The following DOCK1 variants were observed in gnomAD, a reference collection of about 807,000 sequenced individuals.
DOCK1 encodes dedicator of cytokinesis protein 1.
A neutral mutation model predicts 262.7 loss-of-function variants in DOCK1; 138 were observed. The ratio of observed to expected loss-of-function variants is 0.53; its 90% CI spans 0.46 to 0.61. The LOEUF is 0.61. DOCK1 is among the 20% of genes least tolerant of loss of function. The pLI is 0.00. For synonymous variants in DOCK1, 866 were observed against 867.4 expected (o/e 1.00, Z 0.03); for missense variants, 1,908 against 2,370.7 (o/e 0.80, Z 4.05).
At chr10:127,271,337 C>T (rs2135182045) in intron 29 of DOCK1, among the ~76,000 whole-genome samples, 1 of 152,266 alleles carries the variant, frequency 6.6e-6, no homozygotes, top group South Asian at 2.1e-4. Flanking sequence ...CATTCTTTGT[C>T]AAGCTCCTGC....
intron 23 of DOCK1, among the ~76,000 whole-genome samples, chr10:127,094,420 C>T (rs2136127798): frequency 6.6e-6 from 1 of 152,222 alleles, no homozygotes; most frequent in Admixed American, 6.5e-5. Flanking sequence ...ACTCTGCATT[C>T]ACTTTTTGCT....
Position 126,986,660 on chromosome 10 carries a change from A to G in DOCK1, c.228-861A>G, listed in dbSNP as rs542793195. Among the ~76,000 whole-genome samples, 224 of 152,360 alleles carry G rather than the reference A, an allele frequency of 1.5e-3. 1 individual carries two copies. The highest frequency in any genetic ancestry group is 3.0e-3 in the Admixed American group (46 of 15,306). On this transcript the variant is annotated intron_variant, in intron 4 of 51. Transcript: ENST00000623213. Reference sequence around the variant, plus strand: ...CGCGGTGGCTCATGCCTGTAATCCCAGCACTTTGGGAGGCTGAGGTGGGAG... The same window carrying G: ...CGCGGTGGCTCATGCCTGTAATCCCGGCACTTTGGGAGGCTGAGGTGGGAG...
chr10:127,066,084 A>G (rs1170877600), intron 23 of DOCK1, among the ~76,000 whole-genome samples: 1 of 151,848 alleles, frequency 6.6e-6, no homozygotes, highest in Non-Finnish European at 1.5e-5. Context: ...TGCCTTCTGG[A>G]TTCTTCTTTG....
At position 127,389,138 on chromosome 10, in the gene DOCK1, G is replaced by A. The variant is rs866148074; in HGVS notation, c.3927+4229G>A. ...CAGGAGAAGCAGCCTGAGAGAATGG[G>A]CTCCTGACCCCCGTGACTGCGATGT... On this transcript the variant is annotated intron_variant, in intron 38 of 51. Coordinates refer to ENST00000623213, the MANE Select transcript of DOCK1 (RefSeq NM_001290223.2). Among the ~76,000 whole-genome samples the A allele has an allele frequency of 2.0e-5, 3 of 152,320 alleles. No homozygotes were observed. The Middle Eastern group carries it at 0.01, about 518-fold the overall frequency.
intron 6 of DOCK1, among the ~76,000 whole-genome samples, chr10:126,992,673 C>G (rs1392084660): frequency 2.0e-5 from 3 of 151,332 alleles, no homozygotes; most frequent in Non-Finnish European, 4.4e-5. Context: ...GGTCTTGGAC[C>G]ATATCTCTAG....
At chr10:127,241,081 T>C (rs1379395644) in intron 27 of DOCK1, among the ~76,000 whole-genome samples, 6 of 152,160 alleles carry the variant, frequency 3.9e-5, no homozygotes, top group Non-Finnish European at 8.8e-5. Context: ...CCCAATGCTC[T>C]GGAGGCCAAG....
intron 44 of DOCK1, 58 bp downstream of exon 44, chr10:127,415,296 C>T (rs2068089634): frequency 1.3e-6 from 2 of 1,538,724 alleles, no homozygotes; most frequent in Non-Finnish European, 1.8e-6. Flanking sequence ...TACAGTCTGC[C>T]ACGCCTTCTT....
intron 1 of DOCK1, among the ~76,000 whole-genome samples, chr10:126,938,552 A>G (rs2034712995): frequency 2.0e-5 from 3 of 152,092 alleles, no homozygotes; most frequent in Admixed American, 2.0e-4. Flanking sequence ...ACTTTTGATT[A>G]TGAGTTCTTT....
At chr10:127,343,557 C>G in intron 30 of DOCK1, 89 bp from the exon 31 acceptor site, 1 of 1,066,730 alleles carries the variant, frequency 9.4e-7, no homozygotes. Flanking sequence ...GAAGTGTGTG[C>G]TGAGCAAATG....
At chr10:127,219,408 T>C (rs1226826687) in intron 27 of DOCK1, among the ~76,000 whole-genome samples, 1 of 152,190 alleles carries the variant, frequency 6.6e-6, no homozygotes, top group Non-Finnish European at 1.5e-5. Context: ...AATTAGTCCT[T>C]GGCCATTTTG....
chr10:126,960,723 A>AATATATATATATATATAT (rs1159655828), intron 1 of DOCK1, among the ~76,000 whole-genome samples: 14 of 134,672 alleles, frequency 1.0e-4, no homozygotes, highest in Admixed American at 1.5e-4. Flanking sequence ...CCTACCCTCA[A>AATATATATATATATATAT]ATATATATAT....
intron 27 of DOCK1, among the ~76,000 whole-genome samples, chr10:127,139,946 C>G (rs2051064148): frequency 6.6e-6 from 1 of 152,162 alleles, no homozygotes; most frequent in South Asian, 2.1e-4. Context: ...TATTAGGGAT[C>G]TCTTCAACTT....
intron 27 of DOCK1, among the ~76,000 whole-genome samples, chr10:127,247,411 C>T (rs190683024): frequency 5.9e-5 from 9 of 152,168 alleles, no homozygotes; most frequent in African/African-American, 2.2e-4. Context: ...GCCTCCACAT[C>T]GGGCACAGGG....
intron 29 of DOCK1, among the ~76,000 whole-genome samples, chr10:127,280,060 A>C (rs2060897934): frequency 3.4e-5 from 4 of 117,416 alleles, no homozygotes; most frequent in African/African-American, 1.4e-4. Context: ...TTTGAGACGG[A>C]GTCTCGCTCT....
Position 127,451,640 on chromosome 10 carries a change from C to A in DOCK1, c.*213C>A. 1 of 1,179,866 alleles carries A rather than the reference C, an allele frequency of 8.5e-7. No homozygotes were observed. The highest frequency in any genetic ancestry group is 1.1e-6 in the Non-Finnish European group (1 of 876,882). 73.1% of individuals were successfully genotyped at this position (1,179,866 alleles called of 1,614,324 possible). ...TGGGTCTGGGAGGTAGATATGGGTCCGGGATGTGCTATCGTAGTTATCAGA... is the reference window on the plus strand; with the variant it reads ...TGGGTCTGGGAGGTAGATATGGGTCAGGGATGTGCTATCGTAGTTATCAGA... On this transcript the variant is annotated 3_prime_UTR_variant, in exon 52 of 52. Transcript: ENST00000623213.
intron 1 of DOCK1, among the ~76,000 whole-genome samples, chr10:126,909,018 T>G (rs931607372): frequency 1.3e-5 from 2 of 152,180 alleles, no homozygotes; most frequent in Non-Finnish European, 2.9e-5. Context: ...GTGAATTCAA[T>G]ATGTTACATG....
At chr10:127,240,690 C>A (rs916518104) in intron 27 of DOCK1, among the ~76,000 whole-genome samples, 8 of 152,090 alleles carry the variant, frequency 5.3e-5, no homozygotes, top group Non-Finnish European at 1.0e-4. Context: ...TTTAATTATT[C>A]TTTCTTTCTT....
chr10:127,100,802 G>A lies in DOCK1; in HGVS notation c.2446-5429G>A, dbSNP rs1728356163. On this transcript the variant is annotated intron_variant, in intron 23 of 51. Coordinates refer to ENST00000623213, the MANE Select transcript of DOCK1 (RefSeq NM_001290223.2). The surrounding 1 kb of genome is among the most constrained non-coding windows in gnomAD (Gnocchi z 5.5). The stretch of plus-strand genomic sequence containing the variant: ...AACAGCCTGAAGTCATCGTGGCCTT[G>A]GCAGGAACAGAGCTGTGGTGCGGGC... 6.6e-6 allele frequency among the ~76,000 whole-genome samples: 1 copy of A among 152,140 alleles called. No individual in the cohort carries two copies. The highest frequency in any genetic ancestry group is 1.5e-5 in the Non-Finnish European group (1 of 68,032).
intron 29 of DOCK1, among the ~76,000 whole-genome samples, chr10:127,334,683 C>T (rs1171123951): frequency 2.0e-5 from 3 of 152,138 alleles, no homozygotes; most frequent in Non-Finnish European, 2.9e-5. Context: ...GTTTTATCTC[C>T]TGAATTTTAG....
Sources: gnomAD v4.1 joint callset for allele counts (sites outside exome capture counted in the v4.1 genomes callset) on GRCh38, gnomAD v4.1.1 for gene constraint, Gnocchi (gnomAD v3.1) non-coding constraint, MANE v1.5 for transcripts, NCBI Gene and HGNC (gene_info 2026-07-23, HGNC 2026-07-21) for gene names.